FCRL5: variants seen among roughly 807,000 people sequenced by gnomAD.
FCRL5 encodes Fc receptor-like protein 5.
In FCRL5, 79 loss-of-function variants were observed where a neutral mutation model predicts 92.1. The observed-to-expected ratio is 0.86, with a 90% CI of 0.72 to 1.03. The LOEUF (loss-of-function observed/expected upper bound fraction) is 1.03. Ranked by LOEUF, FCRL5 falls within the 50% of genes least tolerant of loss-of-function variation. The pLI, the probability that FCRL5 is intolerant of heterozygous loss-of-function variation, is 0.00. For synonymous variants in FCRL5, 466 were observed against 469.3 expected (o/e 0.99, Z 0.09); for missense variants, 1,160 against 1,181.1 (o/e 0.98, Z 0.26).
intron 5 of FCRL5, 98 bp from the exon 6 acceptor site, chr1:157,543,235 T>A: frequency 1.1e-5 from 14 of 1,224,808 alleles, no homozygotes; most frequent in Non-Finnish European, 1.6e-5. Flanking sequence ...GTCTCCACCC[T>A]TAACTTGCTG....
At chr1:157,535,534 A>G (rs1051019556) in intron 7 of FCRL5, among the ~76,000 whole-genome samples, 1 of 152,100 alleles carries the variant, frequency 6.6e-6, no homozygotes, top group Non-Finnish European at 1.5e-5. Context: ...TCTTTATCTC[A>G]TATCTCATAT....
At chr1:157,537,486 G>A (rs575017450) in intron 7 of FCRL5, among the ~76,000 whole-genome samples, 24 of 152,130 alleles carry the variant, frequency 1.6e-4, no homozygotes, top group Non-Finnish European at 2.8e-4. Context: ...ATGCGTGCCC[G>A]AAGCTTCATT....
At chr1:157,528,052 G>C in intron 8 of FCRL5, 157 bp from the exon 9 acceptor site, 1 of 811,904 alleles carries the variant, frequency 1.2e-6, no homozygotes, top group Non-Finnish European at 1.8e-6. Context: ...TGACATGATT[G>C]TATACCTAGG....
intron 12 of FCRL5, 60 bp downstream of exon 12, chr1:157,520,371 C>T (rs1650120211): frequency 1.6e-6 from 2 of 1,230,754 alleles, no homozygotes; most frequent in East Asian, 5.0e-5. Context: ...GCATGAAGCC[C>T]AAGGGAGCGT....
At chr1:157,524,133 C>A (rs1650317313) in intron 10 of FCRL5, 146 bp downstream of exon 10, 3 of 745,990 alleles carry the variant, frequency 4.0e-6, no homozygotes, top group Non-Finnish European at 6.5e-6. Flanking sequence ...CCGAGACTTT[C>A]ACAGGGAGGT....
At chr1:157,549,048 AT>A (rs1178815077) in intron 2 of FCRL5, among the ~76,000 whole-genome samples, 1 of 152,144 alleles carries the variant, frequency 6.6e-6, no homozygotes, top group Non-Finnish European at 1.5e-5. Context: ...ATGTCCAACA[AT>A]GATAGACTGG....
rs1370979536 is a variant in FCRL5, at chr1:157,552,398, G to A, written c.-36C>T. Reference sequence around the variant, plus strand: ...ACCACCAAGGGCTGAGATCAAAAGAGAAGTTTCCTCAATTCCAAAACAGGT... The same window carrying A: ...ACCACCAAGGGCTGAGATCAAAAGAAAAGTTTCCTCAATTCCAAAACAGGT... On this transcript the variant is annotated 5_prime_UTR_variant, in exon 1 of 17. Transcript: ENST00000361835. 1 of 1,613,456 alleles carries A rather than the reference G, an allele frequency of 6.2e-7. No homozygotes were observed. Among genetic ancestry groups the A allele is most frequent in the Admixed American group, 1.7e-5 (1 of 59,996 alleles).
intron 1 of FCRL5, among the ~76,000 whole-genome samples, chr1:157,550,590 T>C (rs76497133): frequency 0.013 from 1,957 of 152,338 alleles, 36 homozygotes; most frequent in African/African-American, 0.045. Context: ...GCTTGTTTAT[T>C]TTCCCTTCTC....
chr1:157,547,311 C>T, intron 2 of FCRL5, 114 bp from the exon 3 acceptor site: 2 of 1,362,346 alleles, frequency 1.5e-6, no homozygotes, highest in Non-Finnish European at 2.1e-6. Flanking sequence ...AAGAGGTCCT[C>T]TGGGAGGGTC....
intron 10 of FCRL5, 30 bp downstream of exon 10, chr1:157,524,249 A>T: frequency 6.2e-7 from 1 of 1,612,964 alleles, no homozygotes; most frequent in Non-Finnish European, 8.5e-7. Context: ...CAGTTCTCAG[A>T]TGTGCTGCTG....
chr1:157,538,955 G>T, intron 7 of FCRL5, 131 bp downstream of exon 7: 2 of 1,017,102 alleles, frequency 2.0e-6, no homozygotes, highest in Non-Finnish European at 1.4e-6. Context: ...GAGCTAGAGA[G>T]TGGAGGAGGA....
At chr1:157,526,472 G>A (rs1023330581) in intron 9 of FCRL5, among the ~76,000 whole-genome samples, 3 of 152,120 alleles carry the variant, frequency 2.0e-5, no homozygotes, top group African/African-American at 7.2e-5. Flanking sequence ...CCTTGGATAT[G>A]GGAGAGATAT....
At position 157,518,710 on chromosome 1, in the gene FCRL5, C is replaced by T. The variant is rs1650045114; in HGVS notation, c.2733G>A (p.Val911=). 6.2e-7 allele frequency: 1 copy of T among 1,612,798 alleles called. No individual in the cohort carries two copies. The highest frequency in any genetic ancestry group is 1.3e-5 in the African/African-American group (1 of 74,976). Residue 911 remains valine (V), a synonymous_variant, in exon 14 of 17, where the codon GTG becomes GTA. Coordinates refer to ENST00000361835, the MANE Select transcript of FCRL5 (RefSeq NM_031281.3). The stretch of plus-strand genomic sequence containing the variant: ...ATCCTCGGGCCTCACCATTAGTGTA[C>T]ACTGGTTGCAGCTCTTCCCAGGCTG... ...NVPAWEELQP[V]YTNANPRGEN... is the part of the protein sequence containing the mutation.
intron 12 of FCRL5, among the ~76,000 whole-genome samples, 191 bp downstream of exon 12, chr1:157,520,240 T>C (rs1252727297): frequency 1.3e-5 from 2 of 152,184 alleles, no homozygotes; most frequent in South Asian, 2.1e-4. Flanking sequence ...TCCCACCTTA[T>C]AGGTCTGTTT....
chr1:157,524,699 T>C, intron 9 of FCRL5, 142 bp from the exon 10 acceptor site: 1 of 939,068 alleles, frequency 1.1e-6, no homozygotes, highest in Non-Finnish European at 1.6e-6. Context: ...TATTTTCAGA[T>C]CTCCAGAAAG....
intron 5 of FCRL5, among the ~76,000 whole-genome samples, chr1:157,543,459 G>A (rs925626630): frequency 5.9e-5 from 9 of 152,108 alleles, no homozygotes; most frequent in Non-Finnish European, 1.2e-4. Context: ...TTTTTCTTCT[G>A]CTCCTACTCT....
intron 8 of FCRL5, 180 bp downstream of exon 8, chr1:157,534,434 G>T: frequency 1.4e-6 from 1 of 737,182 alleles, no homozygotes; most frequent in Non-Finnish European, 2.5e-6. Flanking sequence ...CTGTTTTAGG[G>T]GTCTGGCTGA....
chr1:157,549,719 A>G, intron 1 of FCRL5, 139 bp from the exon 2 acceptor site: 1 of 606,260 alleles, frequency 1.6e-6, no homozygotes, highest in Non-Finnish European at 2.9e-6. Flanking sequence ...TTATTCATCA[A>G]ATGTATATAT....
intron 9 of FCRL5, 110 bp from the exon 10 acceptor site, chr1:157,524,667 G>T: frequency 8.2e-7 from 1 of 1,226,508 alleles, no homozygotes; most frequent in Non-Finnish European, 1.1e-6. Context: ...ATGCCCTTGT[G>T]ACATTACTCA....
Sources: allele counts gnomAD v4.1 joint callset (sites outside exome capture counted in the v4.1 genomes callset), GRCh38; gene constraint gnomAD v4.1.1; transcripts MANE v1.5; gene names NCBI Gene and HGNC (gene_info 2026-07-23, HGNC 2026-07-21).